The following STXBP4 variants were observed in gnomAD, a reference collection of about 807,000 sequenced individuals.
STXBP4 encodes syntaxin-binding protein 4.
A neutral mutation model predicts 76.1 loss-of-function variants in STXBP4; 55 were observed. The ratio of observed to expected loss-of-function variants is 0.72; its 90% CI spans 0.58 to 0.91. The LOEUF (loss-of-function observed/expected upper bound fraction) is 0.91. Ranked by LOEUF, STXBP4 falls within the 40% of genes least tolerant of loss-of-function variation. The pLI is 0.00. For missense variants in STXBP4, 618 were observed against 636.9 expected, an observed-to-expected ratio of 0.97 and a Z score of 0.32; for synonymous variants, 201 against 220.2, an observed-to-expected ratio of 0.91 and a Z score of 0.77.
At chr17:55,150,271 G>A (rs1377197216) in intron 17 of STXBP4, among the ~76,000 whole-genome samples, 5 of 152,142 alleles carry the variant, frequency 3.3e-5, no homozygotes, top group Admixed American at 6.5e-5. Flanking sequence ...GCGCCATCAG[G>A]GTTGGTTTCT....
chr17:55,082,074 G>A (rs932435665), intron 16 of STXBP4, among the ~76,000 whole-genome samples: 2 of 152,048 alleles, frequency 1.3e-5, no homozygotes, highest in Admixed American at 1.3e-4. Flanking sequence ...AATCAACAAT[G>A]TGCTAATGTA....
At chr17:54,986,361 T>G in intron 3 of STXBP4, 95 bp downstream of exon 3, 3 of 885,348 alleles carry the variant, frequency 3.4e-6, no homozygotes, top group Admixed American at 2.2e-5. Context: ...TCTAGCTCTC[T>G]AATGTGGTCT....
chr17:55,040,034 G>C (rs2078671442), intron 10 of STXBP4, among the ~76,000 whole-genome samples: 1 of 151,974 alleles, frequency 6.6e-6, no homozygotes, highest in Admixed American at 6.6e-5. Context: ...ACAAACTTTG[G>C]GGAACCTCCC....
Position 55,004,733 on chromosome 17 carries a change from A to G in STXBP4, c.575-2773A>G, listed in dbSNP as rs555415205. Reference sequence around the variant, plus strand: ...GAAAGGAGAAGGAGGAGGAGGGGGAAGGAGGAGGAGGCGGGGAGGAGGAGG... The same window carrying G: ...GAAAGGAGAAGGAGGAGGAGGGGGAGGGAGGAGGAGGCGGGGAGGAGGAGG... On this transcript the variant is annotated intron_variant, in intron 7 of 17. Transcript: ENST00000376352. 2.9e-4 allele frequency among the ~76,000 whole-genome samples: 43 copies of G among 146,392 alleles called. 1 individual carries two copies. Among genetic ancestry groups the G allele is most frequent in the Middle Eastern group, 6.9e-3 (2 of 288 alleles).
intron 10 of STXBP4, among the ~76,000 whole-genome samples, chr17:55,035,944 C>A (rs556487229): frequency 1.3e-5 from 2 of 152,052 alleles, no homozygotes; most frequent in Middle Eastern, 6.8e-3. Context: ...AATGTGTATA[C>A]ATTGTGGAAT....
the STXBP4 span, among the ~76,000 whole-genome samples, chr17:55,211,307 T>C: frequency 6.6e-6 from 1 of 152,142 alleles, no homozygotes; most frequent in African/African-American, 2.4e-5. Context: ...TGGCGAGATA[T>C]GGGCTCACTG....
the STXBP4 span, among the ~76,000 whole-genome samples, chr17:55,204,108 C>G: frequency 2.0e-5 from 3 of 150,620 alleles, no homozygotes; most frequent in African/African-American, 7.3e-5. Context: ...CATCATGTTC[C>G]CCTGTCCTTC....
chr17:55,198,634 A>G, the STXBP4 span, among the ~76,000 whole-genome samples: 3 of 152,230 alleles, frequency 2.0e-5, no homozygotes, highest in African/African-American at 4.8e-5. Context: ...TTCACTCCTC[A>G]TTAAATATAA....
chr17:55,029,717 T>C (rs956225488), intron 8 of STXBP4, among the ~76,000 whole-genome samples: 1 of 152,048 alleles, frequency 6.6e-6, no homozygotes, highest in Non-Finnish European at 1.5e-5. Flanking sequence ...CACTTACAGA[T>C]TAACCAGTTG....
Position 54,999,757 on chromosome 17 carries a change from G to A in STXBP4, c.413G>A (p.Ser138Asn). ...GEYGPQASTL[S>N]LFSSPPEILI... is the part of the protein sequence containing the mutation. ...TATGGACCTCAAGCCTCAACATTAA[G>A]TCTTTTTTCTTCTCCTCCTGAAATA... Residue 138 changes from serine (S) to asparagine (N), a missense_variant, in exon 6 of 18, where the codon AGT becomes AAT. Ser to Asn is a conservative substitution (Grantham distance 46, BLOSUM62 1). Coordinates refer to ENST00000376352, the MANE Select transcript of STXBP4 (RefSeq NM_178509.6). 6.2e-7 allele frequency: 1 copy of A among 1,613,572 alleles called. No individual in the cohort carries two copies. The highest frequency in any genetic ancestry group is 2.2e-5 in the East Asian group (1 of 44,766).
chr17:54,996,716 C>T (rs1042018017), intron 4 of STXBP4, among the ~76,000 whole-genome samples: 21 of 152,302 alleles, frequency 1.4e-4, no homozygotes, highest in African/African-American at 4.8e-4. Flanking sequence ...AGGTCACCAT[C>T]AGTCTACATC....
At chr17:54,999,233 T>C (rs1232626927) in intron 4 of STXBP4, 112 bp from the exon 5 acceptor site, 1 of 765,202 alleles carries the variant, frequency 1.3e-6, no homozygotes. Flanking sequence ...TTTTACTTTT[T>C]ACTCTTTTTG....
chr17:55,008,343 A>C (rs2144548214), intron 8 of STXBP4, among the ~76,000 whole-genome samples: 1 of 152,170 alleles, frequency 6.6e-6, no homozygotes, highest in East Asian at 1.9e-4. Flanking sequence ...TAAAGCACAC[A>C]ATCTGTTTAT....
At chr17:55,080,199 C>T (rs2079238517) in intron 15 of STXBP4, among the ~76,000 whole-genome samples, 1 of 152,108 alleles carries the variant, frequency 6.6e-6, no homozygotes, top group Non-Finnish European at 1.5e-5. Context: ...GAAAAAAAGA[C>T]AACTTTAAAT....
intron 16 of STXBP4, among the ~76,000 whole-genome samples, chr17:55,121,327 A>G (rs185994326): frequency 2.0e-4 from 30 of 152,316 alleles, no homozygotes; most frequent in Admixed American, 6.5e-4. Flanking sequence ...GAAATTTTGA[A>G]TGGCAGTGAT....
chr17:55,201,352 C>T, the STXBP4 span, among the ~76,000 whole-genome samples: 2 of 142,944 alleles, frequency 1.4e-5, no homozygotes, highest in Non-Finnish European at 3.0e-5. Context: ...TTTATTCAAA[C>T]AATGAAGATT....
Position 55,159,878 on chromosome 17 carries a change from T to C in STXBP4, c.1629T>C (p.Asp543=). 6.2e-7 allele frequency: 1 copy of C among 1,613,790 alleles called. No individual in the cohort carries two copies. ...NLSRSEENEE[D]CSRELPNQKS ...CTCGCTCAGAGGAGAATGAAGAGGA[T>C]TGCTCTAGAGAACTCCCCAACCAGA... is the stretch of plus-strand genomic sequence containing the variant. Residue 543 remains aspartate (D), a synonymous_variant, in exon 18 of 18, where the codon GAT becomes GAC. Coordinates refer to ENST00000376352, the MANE Select transcript of STXBP4 (RefSeq NM_178509.6).
chr17:55,086,943 A>G (rs79749389), intron 16 of STXBP4, among the ~76,000 whole-genome samples: 1,759 of 152,134 alleles, frequency 0.012, 33 homozygotes, highest in African/African-American at 0.039. Context: ...TGTGTTTTTG[A>G]TAATAGTCAT....
At chr17:55,034,897 A>C (rs1031762325) in intron 10 of STXBP4, among the ~76,000 whole-genome samples, 2 of 152,016 alleles carry the variant, frequency 1.3e-5, no homozygotes, top group Non-Finnish European at 2.9e-5. Flanking sequence ...GAAGTTTGAC[A>C]TTTATATTAT....
Sources: allele counts gnomAD v4.1 joint callset (sites outside exome capture counted in the v4.1 genomes callset), GRCh38; gene constraint gnomAD v4.1.1; transcripts MANE v1.5; gene names NCBI Gene and HGNC (gene_info 2026-07-23, HGNC 2026-07-21).